The following PPP4R3A variants were observed in gnomAD, a reference collection of about 807,000 sequenced individuals.
The protein encoded by PPP4R3A is protein phosphatase 4 regulatory subunit 3A.
PPP4R3A carries 15 observed loss-of-function variants against 91.7 expected under a neutral mutation model. The observed-to-expected ratio is 0.16, with a 90% CI of 0.11 to 0.25. The LOEUF (loss-of-function observed/expected upper bound fraction) is 0.25. PPP4R3A is among the 10% of genes least tolerant of loss of function. The pLI is 1.00. For synonymous variants in PPP4R3A, 377 were observed against 348.7 expected, an observed-to-expected ratio of 1.08 and a Z score of -0.91; for missense variants, 623 against 998.4, an observed-to-expected ratio of 0.62 and a Z score of 5.07.
chr14:91,476,547 G>A (rs943202986), intron 5 of PPP4R3A, 23 bp from the exon 6 acceptor site: 4 of 1,453,994 alleles, frequency 2.8e-6, no homozygotes, highest in Non-Finnish European at 3.8e-6. Context: ...AAAAGGATAA[G>A]TGATATAAAA....
chr14:91,478,569 A>C (rs1049526092), intron 4 of PPP4R3A, among the ~76,000 whole-genome samples: 1 of 152,250 alleles, frequency 6.6e-6, no homozygotes, highest in Non-Finnish European at 1.5e-5. Context: ...ATTACAGGGA[A>C]GCAAAGATTT....
chr14:91,463,595 G>A (rs1888295497), intron 11 of PPP4R3A, among the ~76,000 whole-genome samples: 1 of 151,772 alleles, frequency 6.6e-6, no homozygotes, highest in African/African-American at 2.4e-5. Flanking sequence ...CACCATACGG[G>A]GCTAAGTTTT....
At chr14:91,493,219 T>C (rs958468713) in intron 1 of PPP4R3A, among the ~76,000 whole-genome samples, 4 of 151,062 alleles carry the variant, frequency 2.6e-5, no homozygotes, top group African/African-American at 9.8e-5. Flanking sequence ...TTAAACCCCA[T>C]CTGTACTAAA....
At chr14:91,504,953 CAAT>C (rs1372220953) in intron 1 of PPP4R3A, among the ~76,000 whole-genome samples, 3 of 152,132 alleles carry the variant, frequency 2.0e-5, no homozygotes, top group African/African-American at 7.2e-5. Context: ...AATATAGACC[CAAT>C]AATGAGAGAA....
chr14:91,470,141 T>C (rs1355130726), intron 10 of PPP4R3A, among the ~76,000 whole-genome samples: 1 of 152,102 alleles, frequency 6.6e-6, no homozygotes, highest in Admixed American at 6.6e-5. Context: ...ACCTCTAAGG[T>C]ACCCCTAAAT....
chr14:91,475,798 AAAT>A lies in PPP4R3A; in HGVS notation c.1266+10_1266+12del. ...ATGTATAAATACTTACTATTAGTAC[AAAT>A]AATATTTACCTTGCTGGTTATTTTT... On this transcript the variant is annotated intron_variant, in intron 7 of 14. Transcript: ENST00000554943. The A allele has an allele frequency of 6.2e-7, 1 of 1,606,738 alleles. No individual in the cohort carries two copies. Among genetic ancestry groups the A allele is most frequent in the Non-Finnish European group, 8.5e-7 (1 of 1,174,658 alleles).
chr14:91,476,030 A>G, intron 6 of PPP4R3A, 64 bp from the exon 7 acceptor site: 1 of 1,431,986 alleles, frequency 7.0e-7, no homozygotes, highest in Non-Finnish European at 9.2e-7. Context: ...AGCTATGTAA[A>G]TATCCAAACC....
intron 1 of PPP4R3A, 41 bp downstream of exon 1, chr14:91,509,465 G>T: frequency 7.7e-6 from 12 of 1,551,512 alleles, no homozygotes; most frequent in Non-Finnish European, 1.0e-5. Context: ...GCCCAGGGCC[G>T]TGGGGGCTGC....
chr14:91,493,773 C>CT (rs71120151), intron 1 of PPP4R3A, among the ~76,000 whole-genome samples: 14 of 119,830 alleles, frequency 1.2e-4, no homozygotes, highest in Non-Finnish European at 1.4e-4. Context: ...ATCAATATTA[C>CT]TTTTTTTTTT....
Position 91,481,873 on chromosome 14 carries a change from A to G in PPP4R3A, c.618T>C (p.Ala206=), listed in dbSNP as rs752393901. 3 of 1,614,054 alleles carry G rather than the reference A, an allele frequency of 1.9e-6. No individual in the cohort carries two copies. The highest frequency in any genetic ancestry group is 2.7e-5 in the African/African-American group (2 of 74,924). ...IKGIFLLNRT[A]LFEVMFSEEC... is the part of the protein sequence containing the mutation. ...CTTCAGAGAACATAACTTCAAAAAGAGCAGTTCGATTCAAGAGAAAGATGC... is the reference window on the plus strand; with the variant it reads ...CTTCAGAGAACATAACTTCAAAAAGGGCAGTTCGATTCAAGAGAAAGATGC... Residue 206 remains alanine (A), a synonymous_variant, in exon 4 of 15, where the codon GCT becomes GCC. Transcript: ENST00000554943.
At position 91,509,701 on chromosome 14, in the gene PPP4R3A, G is replaced by A. The variant is rs1039316105; in HGVS notation, c.-54C>T. 8.3e-6 allele frequency: 13 copies of A among 1,565,010 alleles called. No individual in the cohort carries two copies. Among genetic ancestry groups the A allele is most frequent in the East Asian group, 2.3e-5 (1 of 42,774 alleles). On this transcript the variant is annotated 5_prime_UTR_variant, in exon 1 of 15. Coordinates refer to ENST00000554943, the MANE Select transcript of PPP4R3A (RefSeq NM_001366432.2). ...CCCGCCAGTAGACGCCCAGGAAAGG[G>A]GCCCTGGAGAGGCGAGGGGCGAGGC...
intron 3 of PPP4R3A, 69 bp downstream of exon 3, chr14:91,485,563 T>G: frequency 2.0e-6 from 2 of 1,002,990 alleles, no homozygotes; most frequent in South Asian, 2.9e-5. Flanking sequence ...TCTTGGGCAT[T>G]AGTTGAAAGC....
At chr14:91,464,020 G>A (rs928280847) in intron 11 of PPP4R3A, among the ~76,000 whole-genome samples, 9 of 152,060 alleles carry the variant, frequency 5.9e-5, no homozygotes, top group African/African-American at 1.9e-4. Context: ...ACAGCCATGC[G>A]TATTTTAAAA....
At chr14:91,501,610 C>T (rs1890961554) in intron 1 of PPP4R3A, among the ~76,000 whole-genome samples, 2 of 151,898 alleles carry the variant, frequency 1.3e-5, no homozygotes, top group South Asian at 4.2e-4. Flanking sequence ...AAGCCCTGAT[C>T]ACTGCACTCC....
chr14:91,482,294 T>C (rs1032358121), intron 3 of PPP4R3A, 101 bp from the exon 4 acceptor site: 2 of 1,297,624 alleles, frequency 1.5e-6, no homozygotes, highest in Non-Finnish European at 2.1e-6. Flanking sequence ...AAGAAACCTA[T>C]AATGGTCATT....
At chr14:91,501,032 T>C (rs2140158748) in intron 1 of PPP4R3A, among the ~76,000 whole-genome samples, 1 of 152,172 alleles carries the variant, frequency 6.6e-6, no homozygotes, top group East Asian at 1.9e-4. Context: ...ACCCTGTCTC[T>C]AAAATTTAAA....
chr14:91,463,342 G>C (rs1888277348), intron 11 of PPP4R3A, among the ~76,000 whole-genome samples: 1 of 152,124 alleles, frequency 6.6e-6, no homozygotes, highest in South Asian at 2.1e-4. Flanking sequence ...TGGGATTACA[G>C]GTGCGAGCCA....
chr14:91,462,515 T>C (rs1353376848), intron 12 of PPP4R3A, among the ~76,000 whole-genome samples: 2 of 150,142 alleles, frequency 1.3e-5, no homozygotes, highest in Admixed American at 1.3e-4. Context: ...TTTTTTTTTT[T>C]TCCCTTATCT....
intron 1 of PPP4R3A, among the ~76,000 whole-genome samples, chr14:91,499,735 C>T (rs373827260): frequency 6.7e-6 from 1 of 150,202 alleles, no homozygotes; most frequent in Non-Finnish European, 1.5e-5. Flanking sequence ...GCAGGAGAAT[C>T]GCTTGAACCC....
Sources: allele counts gnomAD v4.1 joint callset (sites outside exome capture counted in the v4.1 genomes callset), GRCh38; gene constraint gnomAD v4.1.1; transcripts MANE v1.5; gene names NCBI Gene and HGNC (gene_info 2026-07-23, HGNC 2026-07-21).